BTN1A1: variants seen among roughly 807,000 people sequenced by gnomAD.
The protein encoded by BTN1A1 is butyrophilin subfamily 1 member A1, also known as bK14H9.2 (butyrophilin, subfamily 1, member A1).
In BTN1A1, 26 loss-of-function variants were observed where a neutral mutation model predicts 33.1. The observed-to-expected ratio is 0.79, with a 90% CI of 0.58 to 1.09. The LOEUF is 1.09. Among genes scored for constraint, BTN1A1 ranks in the 50% least tolerant of loss-of-function variants. The probability of loss-of-function intolerance (pLI) is 0.00; values close to 1 mark genes in which losing one functional copy is unlikely to be tolerated. For synonymous variants in BTN1A1, 235 were observed against 256.2 expected (o/e 0.92, Z 0.79); for missense variants, 558 against 655.7 (o/e 0.85, Z 1.63).
intron 4 of BTN1A1, 27 bp from the exon 5 acceptor site, chr6:26,506,656 A>G: frequency 6.2e-7 from 1 of 1,611,616 alleles, no homozygotes; most frequent in South Asian, 1.1e-5. Context: ...TTCTCAACTA[A>G]TGTCCTTCTT....
rs990969433 is a variant in BTN1A1 at position 26,501,091 on chromosome 6, A to G, written c.-57-139A>G. The G allele has an allele frequency of 1.6e-6, 1 of 610,176 alleles. No homozygotes were observed. Among genetic ancestry groups the G allele is most frequent in the Non-Finnish European group, 2.9e-6 (1 of 340,754 alleles). 37.8% of individuals were successfully genotyped at this position (610,176 alleles called of 1,614,324 possible). On this transcript the variant is annotated intron_variant, in intron 1 of 7. Transcript: ENST00000684113. The surrounding 1 kb of genome is among the most constrained non-coding windows in gnomAD (Gnocchi z 5.2). Reference sequence around the variant, plus strand: ...TAACCACAGTGTAAACTAAAAATCCATACTGGGGATGGAGGCTGAGAGGAG... The same window carrying G: ...TAACCACAGTGTAAACTAAAAATCCGTACTGGGGATGGAGGCTGAGAGGAG...
rs577828817 is a variant in BTN1A1 at position 26,504,351 on chromosome 6, C to T, written c.428-574C>T. Among the ~76,000 whole-genome samples the T allele has an allele frequency of 1.5e-4, 23 of 152,196 alleles. No homozygotes were observed. The South Asian group carries it at 4.6e-3, about 30-fold the overall frequency. The stretch of plus-strand genomic sequence containing the variant: ...CTCTGAGTTATTGGTCTTAGTGTTC[C>T]TGCTGGCTGGACAAGCACCCCCAAG... On this transcript the variant is annotated intron_variant, in intron 3 of 7. Coordinates refer to ENST00000684113, the MANE Select transcript of BTN1A1 (RefSeq NM_001732.3).
intron 7 of BTN1A1, 116 bp downstream of exon 7, chr6:26,508,203 A>G (rs1763896299): frequency 7.6e-7 from 1 of 1,310,432 alleles, no homozygotes; most frequent in Non-Finnish European, 1.1e-6. Context: ...AGGAAGGGAA[A>G]CGGTGATGAC....
Position 26,501,099 on chromosome 6 carries a change from G to A in BTN1A1, c.-57-131G>A. The A allele has an allele frequency of 1.6e-6, 1 of 617,546 alleles. No homozygotes were observed. Among genetic ancestry groups the A allele is most frequent in the Non-Finnish European group, 2.9e-6 (1 of 343,428 alleles). The allele number at this position is 617,546 out of a possible 1,614,324, so 38.3% of individuals were successfully genotyped here. On this transcript the variant is annotated intron_variant, in intron 1 of 7. Coordinates refer to ENST00000684113, the MANE Select transcript of BTN1A1 (RefSeq NM_001732.3). This position sits in a 1 kb window ranked among gnomAD's most constrained non-coding sequence, Gnocchi z 5.2. ...GTGTAAACTAAAAATCCATACTGGG[G>A]ATGGAGGCTGAGAGGAGGTTTCAGG...
chr6:26,509,248 A>G lies in BTN1A1; in HGVS notation c.*74A>G. ...ATAGCCTTCTGAGGCTTCACCTGCT[A>G]GCTTTACCCAGTCTGTTTCTTCCTG... On this transcript the variant is annotated 3_prime_UTR_variant, in exon 8 of 8. Coordinates refer to ENST00000684113, the MANE Select transcript of BTN1A1 (RefSeq NM_001732.3). 7.4e-7 allele frequency: 1 copy of G among 1,343,886 alleles called. No homozygotes were observed. The highest frequency in any genetic ancestry group is 1.0e-6 in the Non-Finnish European group (1 of 979,014). 83.2% of individuals were successfully genotyped at this position (1,343,886 alleles called of 1,614,324 possible).
At chr6:26,508,408 C>G (rs191341719) in intron 7 of BTN1A1, 93 bp from the exon 8 acceptor site, 1 of 1,404,246 alleles carries the variant, frequency 7.1e-7, no homozygotes, top group Non-Finnish European at 9.7e-7. Context: ...CTGTCAACTC[C>G]TACAACAGTG....
intron 5 of BTN1A1, among the ~76,000 whole-genome samples, chr6:26,507,229 T>C (rs1763882568): frequency 6.6e-6 from 1 of 151,952 alleles, no homozygotes; most frequent in Non-Finnish European, 1.5e-5. Flanking sequence ...TCAAAAAAAG[T>C]AGAAGATACT....
rs1202353513 is a variant in BTN1A1, at chr6:26,501,388, G to T, written c.79+23G>T. The T allele has an allele frequency of 1.9e-6, 3 of 1,601,918 alleles. No individual in the cohort carries two copies. The highest frequency in any genetic ancestry group is 1.7e-6 in the Non-Finnish European group (2 of 1,168,970). On this transcript the variant is annotated intron_variant, in intron 2 of 7. Coordinates refer to ENST00000684113, the MANE Select transcript of BTN1A1 (RefSeq NM_001732.3). This position sits in a 1 kb window ranked among gnomAD's most constrained non-coding sequence, Gnocchi z 5.2. ...CAGGTAAGTCTCTCTCTCTCTCTGG[G>T]CTGCATAGTTGAAATATATCAATAA...
intron 4 of BTN1A1, among the ~76,000 whole-genome samples, 196 bp from the exon 5 acceptor site, chr6:26,506,483 CTCTT>C (rs1400937520): frequency 6.6e-6 from 1 of 152,046 alleles, no homozygotes; most frequent in Non-Finnish European, 1.5e-5. Flanking sequence ...CGTCATTTCT[CTCTT>C]TCTCTGCTGA....
Position 26,509,098 on chromosome 6 carries a change from A to G in BTN1A1, c.1505A>G (p.Glu502Gly). 1 of 1,613,930 alleles carries G rather than the reference A, an allele frequency of 6.2e-7. No homozygotes were observed. Among genetic ancestry groups the G allele is most frequent in the African/African-American group, 1.3e-5 (1 of 75,022 alleles). ...GAGATCCCATTGTCCCCCATGGGGG[A>G]GGACTCTGCCCCTAGGGATGCAGAC... ...SKEIPLSPMG[E>G]DSAPRDADTL... The change falls in exon 8 of 8, where the codon GAG becomes GGG. Residue 502 changes from glutamate to glycine, a missense_variant. By Grantham distance (98) the Glu-to-Gly change is moderately conservative. Transcript: ENST00000684113.
At chr6:26,504,862 T>C in intron 3 of BTN1A1, 63 bp from the exon 4 acceptor site, 3 of 1,516,294 alleles carry the variant, frequency 2.0e-6, no homozygotes, top group South Asian at 2.4e-5. Context: ...TATGTAGCTC[T>C]CTGGTTATAA....
intron 5 of BTN1A1, 66 bp downstream of exon 5, chr6:26,506,898 C>G: frequency 6.4e-7 from 1 of 1,551,622 alleles, no homozygotes; most frequent in Non-Finnish European, 8.8e-7. Context: ...GATCCAAGTC[C>G]TTTAGAATGA....
At chr6:26,502,528 G>T (rs918455432) in intron 3 of BTN1A1, among the ~76,000 whole-genome samples, 1 of 152,172 alleles carries the variant, frequency 6.6e-6, no homozygotes, top group Admixed American at 6.5e-5. Context: ...AGAGAACAGT[G>T]CAATGTCTTT....
At chr6:26,508,244 T>C (rs999241537) in intron 7 of BTN1A1, among the ~76,000 whole-genome samples, 157 bp downstream of exon 7, 3 of 152,142 alleles carry the variant, frequency 2.0e-5, no homozygotes, top group East Asian at 3.9e-4. Flanking sequence ...GTGAGGCACA[T>C]AGAGAACCCT....
At chr6:26,502,154 A>G (rs1490087813) in intron 3 of BTN1A1, among the ~76,000 whole-genome samples, 2 of 152,182 alleles carry the variant, frequency 1.3e-5, no homozygotes, top group Admixed American at 6.6e-5. Flanking sequence ...AAAGTATGAA[A>G]ATACTTTTCG....
chr6:26,503,462 G>A (rs1036140354), intron 3 of BTN1A1, among the ~76,000 whole-genome samples: 3 of 150,558 alleles, frequency 2.0e-5, no homozygotes, highest in African/African-American at 7.3e-5. Flanking sequence ...AGTGAGACTC[G>A]TCTCTAACAA....
intron 1 of BTN1A1, among the ~76,000 whole-genome samples, chr6:26,500,698 C>T (rs1434281196): frequency 6.6e-6 from 1 of 152,108 alleles, no homozygotes; most frequent in Non-Finnish European, 1.5e-5. Context: ...GGGTGGATCA[C>T]GAGGTCAGGA....
At chr6:26,506,909 C>T in intron 5 of BTN1A1, 77 bp downstream of exon 5, 4 of 1,518,860 alleles carry the variant, frequency 2.6e-6, no homozygotes, top group Non-Finnish European at 3.6e-6. Context: ...TTTAGAATGA[C>T]TTATTTTAGG....
In BTN1A1 at chr6:26,509,194, G is replaced by A; in HGVS notation, c.*20G>A. 1.9e-6 allele frequency: 3 copies of A among 1,582,438 alleles called. No individual in the cohort carries two copies. Among genetic ancestry groups the A allele is most frequent in the Non-Finnish European group, 2.6e-6 (3 of 1,161,286 alleles). On this transcript the variant is annotated 3_prime_UTR_variant, in exon 8 of 8. Coordinates refer to ENST00000684113, the MANE Select transcript of BTN1A1 (RefSeq NM_001732.3). ...CCTTAAGGAATATCTCAGCTCATCT[G>A]TTTTCCTTTCCTCTAACCCCTCTCC...
Sources: allele counts gnomAD v4.1 joint callset (sites outside exome capture counted in the v4.1 genomes callset), GRCh38; gene constraint gnomAD v4.1.1; non-coding constraint Gnocchi (gnomAD v3.1); transcripts MANE v1.5; gene names NCBI Gene and HGNC (gene_info 2026-07-23, HGNC 2026-07-21).